MMD2: variants seen among roughly 807,000 people sequenced by gnomAD.
The protein encoded by MMD2 is monocyte to macrophage differentiation factor 2.
Under a neutral mutation model 33.5 loss-of-function variants are expected in MMD2, and 30 were observed. The observed-to-expected ratio is 0.90, with a 90% CI of 0.67 to 1.22. The LOEUF is 1.22. Among genes scored for constraint, MMD2 ranks in the 50% most tolerant of loss-of-function variants. MMD2 has a pLI of 0.00. For missense variants in MMD2, 364 were observed against 325.4 expected, an observed-to-expected ratio of 1.12 and a Z score of -0.91; for synonymous variants, 129 against 123.0, an observed-to-expected ratio of 1.05 and a Z score of -0.32.
intron 1 of MMD2, among the ~76,000 whole-genome samples, chr7:4,937,336 G>T (rs1402882225): frequency 2.0e-5 from 3 of 151,592 alleles, no homozygotes; most frequent in African/African-American, 7.3e-5. Context: ...GGTGGAGGTT[G>T]CAGTGAGCCG....
At chr7:4,926,850 T>G (rs2115115172) in intron 1 of MMD2, among the ~76,000 whole-genome samples, 1 of 152,072 alleles carries the variant, frequency 6.6e-6, no homozygotes, top group African/African-American at 2.4e-5. Context: ...GTTCACGCCA[T>G]TCTCCTGCCT....
intron 1 of MMD2, among the ~76,000 whole-genome samples, chr7:4,929,251 T>C (rs1019186598): frequency 2.0e-5 from 3 of 151,790 alleles, no homozygotes; most frequent in African/African-American, 7.3e-5. Context: ...ATTCGACAGA[T>C]GAGAAAACTA....
At chr7:4,949,419 G>A (rs925883779) in intron 1 of MMD2, among the ~76,000 whole-genome samples, 5 of 151,844 alleles carry the variant, frequency 3.3e-5, no homozygotes, top group African/African-American at 1.2e-4. Context: ...CCACAAATAA[G>A]TGAGAACATG....
intron 1 of MMD2, among the ~76,000 whole-genome samples, chr7:4,953,765 C>A (rs2115164792): frequency 6.6e-6 from 1 of 152,310 alleles, no homozygotes; most frequent in South Asian, 2.1e-4. Context: ...GCCACCGCAC[C>A]CAGCCTCAGT....
intron 6 of MMD2, among the ~76,000 whole-genome samples, chr7:4,909,034 G>C (rs1784939101): frequency 1.3e-5 from 2 of 151,948 alleles, no homozygotes; most frequent in Admixed American, 1.3e-4. Context: ...TTTTACCACA[G>C]TTTTTTAAAG....
In MMD2 at chr7:4,916,075, C is replaced by A. The variant is rs200263175; in HGVS notation, c.295G>T (p.Val99Leu). The change falls in exon 4 of 7, where the codon GTG (valine) becomes TTG (leucine). Residue 99 changes from valine to leucine, a missense_variant. Coordinates refer to ENST00000401401, the MANE Select transcript of MMD2 (RefSeq NM_198403.4). ...TCGAACATGTGTAGACAGTGTTCCA[C>A]CATCCTAGGGCGGCAGAGAAGCCGG... Reference protein sequence around the residue: ...ISWKKSHLRMVEHCLHMFDRM... With the variant: ...ISWKKSHLRMLEHCLHMFDRM... 346 of 1,613,440 alleles carry A rather than the reference C, an allele frequency of 2.1e-4. No homozygotes were observed. Among genetic ancestry groups the A allele is most frequent in the Non-Finnish European group, 2.7e-4 (319 of 1,179,770 alleles).
At chr7:4,945,205 T>TCTTCTTCTTCTTCTTCTTCTC (rs1786032969) in intron 1 of MMD2, among the ~76,000 whole-genome samples, 3 of 141,138 alleles carry the variant, frequency 2.1e-5, no homozygotes, top group Non-Finnish European at 4.6e-5. Context: ...TTCTTCTTCT[T>TCTTCTTCTTCTTCTTCTTCTC]CTTCTTCTTC....
chr7:4,935,898 T>C (rs1351079922), intron 1 of MMD2, among the ~76,000 whole-genome samples: 1 of 151,852 alleles, frequency 6.6e-6, no homozygotes, highest in Non-Finnish European at 1.5e-5. Flanking sequence ...AAATAAAAAA[T>C]TTTGGGCCGG....
Position 4,907,221 on chromosome 7 carries a change from T to G in MMD2, c.*175A>C, listed in dbSNP as rs1346956953. 2 of 620,862 alleles carry G rather than the reference T, an allele frequency of 3.2e-6. No homozygotes were observed. Among genetic ancestry groups the G allele is most frequent in the Non-Finnish European group, 5.7e-6 (2 of 347,912 alleles). 38.5% of individuals were successfully genotyped at this position (620,862 alleles called of 1,614,324 possible). On this transcript the variant is annotated 3_prime_UTR_variant, in exon 7 of 7. Transcript: ENST00000401401. ...CCTCTGTAAGAATGGCTAAATGCTT[T>G]CTTTCTCGCTGGGGACTCGAGGGAT...
chr7:4,912,565 A>AAG (rs1211676052), intron 4 of MMD2, among the ~76,000 whole-genome samples: 1 of 151,942 alleles, frequency 6.6e-6, no homozygotes, highest in African/African-American at 2.4e-5. Flanking sequence ...CTGTCTCAAA[A>AAG]AAAAAAAAAA....
chr7:4,938,998 G>A (rs1785827644), intron 1 of MMD2, among the ~76,000 whole-genome samples: 2 of 151,684 alleles, frequency 1.3e-5, no homozygotes, highest in Non-Finnish European at 1.5e-5. Flanking sequence ...ACCTGAGGTC[G>A]GGAGTTGGAG....
chr7:4,945,567 T>A (rs898229406), intron 1 of MMD2, among the ~76,000 whole-genome samples: 4 of 140,318 alleles, frequency 2.9e-5, no homozygotes, highest in Non-Finnish European at 6.2e-5. Context: ...CACCCAGCCC[T>A]TCCCTCCCCT....
chr7:4,904,432 AG>A (rs1052224034), downstream of MMD2, among the ~76,000 whole-genome samples: 9 of 152,188 alleles, frequency 5.9e-5, no homozygotes, highest in South Asian at 4.1e-4. Flanking sequence ...GGGAAGAGAA[AG>A]GGTTTATGGG....
At chr7:4,942,969 T>C (rs1233298432) in intron 1 of MMD2, among the ~76,000 whole-genome samples, 1 of 149,206 alleles carries the variant, frequency 6.7e-6, no homozygotes, top group Non-Finnish European at 1.5e-5. Flanking sequence ...ACCCCTTAGA[T>C]AGTTGGAGTA....
downstream of MMD2, among the ~76,000 whole-genome samples, chr7:4,903,791 C>T (rs1023710405): frequency 9.8e-5 from 15 of 152,348 alleles, no homozygotes; most frequent in African/African-American, 3.4e-4. Flanking sequence ...GAGTCCAGAA[C>T]GTCACACAGG....
chr7:4,914,390 C>T (rs1785090571), intron 4 of MMD2, among the ~76,000 whole-genome samples: 1 of 152,136 alleles, frequency 6.6e-6, no homozygotes, highest in South Asian at 2.1e-4. Flanking sequence ...AGTCTCAATG[C>T]CTGCAGAATT....
intron 1 of MMD2, among the ~76,000 whole-genome samples, chr7:4,931,753 C>T (rs1687517749): frequency 6.7e-6 from 1 of 150,332 alleles, no homozygotes. Flanking sequence ...TTTGTAGAGA[C>T]TGGGTCTTGC....
chr7:4,934,590 C>G (rs1300270023), intron 1 of MMD2, among the ~76,000 whole-genome samples: 1 of 152,194 alleles, frequency 6.6e-6, no homozygotes, highest in Non-Finnish European at 1.5e-5. Flanking sequence ...GGAGAACAGA[C>G]TCCTCATTTT....
At chr7:4,942,908 G>A (rs946096074) in intron 1 of MMD2, among the ~76,000 whole-genome samples, 1 of 150,628 alleles carries the variant, frequency 6.6e-6, no homozygotes, top group African/African-American at 2.4e-5. Context: ...GAGCCACCGC[G>A]CCAGGCCCCA....
Sources: gnomAD v4.1 joint callset for allele counts (sites outside exome capture counted in the v4.1 genomes callset) on GRCh38, gnomAD v4.1.1 for gene constraint, MANE v1.5 for transcripts, NCBI Gene and HGNC (gene_info 2026-07-23, HGNC 2026-07-21) for gene names.